IQSEC1: variants seen among roughly 807,000 people sequenced by gnomAD.
The protein encoded by IQSEC1 is IQ motif and SEC7 domain-containing protein 1.
IQSEC1 carries 31 observed loss-of-function variants against 91.0 expected under a neutral mutation model. The ratio of observed to expected loss-of-function variants is 0.34; its 90% confidence interval spans 0.26 to 0.46. The LOEUF is 0.46. Among genes scored for constraint, IQSEC1 ranks in the 20% least tolerant of loss-of-function variants. The pLI, the probability that IQSEC1 is intolerant of heterozygous loss-of-function variation, is 1.00. For missense variants in IQSEC1, 1,388 were observed against 1,575.6 expected (o/e 0.88, Z 2.02); for synonymous variants, 699 against 662.6 (o/e 1.05, Z -0.84).
intron 2 of IQSEC1, among the ~76,000 whole-genome samples, chr3:13,110,396 T>G (rs969512814): frequency 4.6e-5 from 7 of 152,004 alleles, no homozygotes; most frequent in Admixed American, 2.0e-4. Context: ...CGAGACCACC[T>G]TAGCCAACAT....
Position 12,967,319 on chromosome 3 carries a change from C to G in IQSEC1, c.24-25454G>C, listed in dbSNP as rs1700643390. 1 of 1,375,146 alleles carries G rather than the reference C, an allele frequency of 7.3e-7. No individual in the cohort carries two copies. Among genetic ancestry groups the G allele is most frequent in the Non-Finnish European group, 9.9e-7 (1 of 1,012,100 alleles). The allele number at this position is 1,375,146 out of a possible 1,614,324, so 85.2% of individuals were successfully genotyped here. On this transcript the variant is annotated intron_variant, in intron 1 of 13. Coordinates refer to ENST00000613206, the MANE Select transcript of IQSEC1 (RefSeq NM_001134382.3). The surrounding 1 kb of genome is among the most constrained non-coding windows in gnomAD (Gnocchi z 5.9). Reference sequence around the variant, plus strand: ...GTCACCCGCACTCCCGCACAGGCATCCCCACAGCCTGCGCCAGCCCACCGC... The same window carrying G: ...GTCACCCGCACTCCCGCACAGGCATGCCCACAGCCTGCGCCAGCCCACCGC...
At chr3:12,914,774 G>C (rs1221323433) in intron 8 of IQSEC1, among the ~76,000 whole-genome samples, 1 of 152,030 alleles carries the variant, frequency 6.6e-6, no homozygotes, top group Non-Finnish European at 1.5e-5. Flanking sequence ...CATGGGATGT[G>C]GGGGACAGAG....
upstream of IQSEC1, among the ~76,000 whole-genome samples, chr3:13,077,932 G>A (rs1705588824): frequency 6.6e-6 from 1 of 152,214 alleles, no homozygotes. Flanking sequence ...CTGGCTGATG[G>A]AGATCTGAAA....
intron 1 of IQSEC1, among the ~76,000 whole-genome samples, chr3:13,227,691 T>G (rs1350655355): frequency 6.6e-6 from 1 of 151,706 alleles, no homozygotes; most frequent in African/African-American, 2.4e-5. Flanking sequence ...CGGGGCCAGG[T>G]GGGGCGATAG....
chr3:12,999,354 A>C (rs1034075856), intron 1 of IQSEC1, among the ~76,000 whole-genome samples: 25 of 152,148 alleles, frequency 1.6e-4, no homozygotes, highest in African/African-American at 5.6e-4. Context: ...GCTGAGGGTA[A>C]ACTGCCTTGC....
chr3:13,122,973 C>T (rs567216642), intron 2 of IQSEC1, among the ~76,000 whole-genome samples: 1 of 152,244 alleles, frequency 6.6e-6, no homozygotes, highest in South Asian at 2.1e-4. Flanking sequence ...TCTTTCTGCG[C>T]CCTCCCTGCA....
At chr3:13,215,732 C>T (rs937181087) in intron 1 of IQSEC1, among the ~76,000 whole-genome samples, 3 of 152,176 alleles carry the variant, frequency 2.0e-5, no homozygotes, top group Admixed American at 6.5e-5. Context: ...GCAGAGAGGC[C>T]GGTATGATCA....
At chr3:13,171,436 A>G (rs1693609509) in intron 1 of IQSEC1, among the ~76,000 whole-genome samples, 1 of 152,180 alleles carries the variant, frequency 6.6e-6, no homozygotes, top group South Asian at 2.1e-4. Flanking sequence ...CTTTCTCTAA[A>G]GGATCCACCT....
rs115272019 is a variant in IQSEC1, at chr3:13,056,099, T to C, written c.23+16893A>G. On this transcript the variant is annotated intron_variant, in intron 1 of 13. Transcript: ENST00000613206. The stretch of plus-strand genomic sequence containing the variant: ...CCAACTTCTCCTGGGCTTGCCTGGG[T>C]GGGATCAAGGCCTCACCATGTGGCC... Among the ~76,000 whole-genome samples the C allele has an allele frequency of 2.1e-3, 327 of 152,228 alleles. 2 individuals carry two copies. Among genetic ancestry groups the C allele is most frequent in the African/African-American group, 7.4e-3 (308 of 41,538 alleles).
chr3:13,221,258 C>T (rs1044015683), intron 1 of IQSEC1, among the ~76,000 whole-genome samples: 3 of 152,206 alleles, frequency 2.0e-5, no homozygotes, highest in African/African-American at 7.2e-5. Context: ...AGGGTGGACA[C>T]AGGCTTCAGC....
chr3:13,159,721 T>A (rs1459062153), intron 2 of IQSEC1, among the ~76,000 whole-genome samples: 1 of 152,176 alleles, frequency 6.6e-6, no homozygotes, highest in Non-Finnish European at 1.5e-5. Context: ...CAGTGAGAAC[T>A]CATTGAATGG....
chr3:13,171,884 G>A (rs1157444527), intron 1 of IQSEC1, among the ~76,000 whole-genome samples: 1 of 152,138 alleles, frequency 6.6e-6, no homozygotes, highest in Non-Finnish European at 1.5e-5. Context: ...AGGGGCAAGC[G>A]TCCCGGGCCA....
chr3:12,984,815 ATTT>A (rs767194681), intron 1 of IQSEC1, among the ~76,000 whole-genome samples: 157 of 102,182 alleles, frequency 1.5e-3, no homozygotes, highest in African/African-American at 6.7e-3. Context: ...AAGCAATTAC[ATTT>A]TTTTTTTTTT....
intron 1 of IQSEC1, among the ~76,000 whole-genome samples, chr3:13,168,446 A>G (rs1693538589): frequency 6.6e-6 from 1 of 152,122 alleles, no homozygotes; most frequent in Admixed American, 6.5e-5. Context: ...CACGGATCAT[A>G]AGCACATCTC....
intron 1 of IQSEC1, among the ~76,000 whole-genome samples, chr3:13,003,600 A>C (rs1329762702): frequency 6.6e-6 from 1 of 152,260 alleles, no homozygotes; most frequent in South Asian, 2.1e-4. Flanking sequence ...TGTACACTTA[A>C]AATGAGTGAA....
At chr3:13,009,837 C>A (rs1702801658) in intron 1 of IQSEC1, among the ~76,000 whole-genome samples, 1 of 152,268 alleles carries the variant, frequency 6.6e-6, no homozygotes, top group East Asian at 1.9e-4. Context: ...AGTGTGGCGC[C>A]CGCCTCCTAC....
chr3:12,927,418 AC>A (rs201219735), intron 3 of IQSEC1, among the ~76,000 whole-genome samples: 1,567 of 135,884 alleles, frequency 0.012, 25 homozygotes, highest in African/African-American at 0.044. Flanking sequence ...CTCTAACTCC[AC>A]CCAGGCTGTC....
At chr3:13,051,590 G>A (rs1304645152) in intron 1 of IQSEC1, among the ~76,000 whole-genome samples, 1 of 152,148 alleles carries the variant, frequency 6.6e-6, no homozygotes, top group Non-Finnish European at 1.5e-5. Flanking sequence ...GCACTTTTCT[G>A]TACATATATA....
chr3:13,105,413 A>G (rs1399751725), intron 2 of IQSEC1, among the ~76,000 whole-genome samples: 1 of 152,160 alleles, frequency 6.6e-6, no homozygotes, highest in Non-Finnish European at 1.5e-5. Context: ...GATGCCGCTC[A>G]GGGACAGCCA....
Sources: allele counts gnomAD v4.1 joint callset (sites outside exome capture counted in the v4.1 genomes callset), GRCh38; gene constraint gnomAD v4.1.1; non-coding constraint Gnocchi (gnomAD v3.1); transcripts MANE v1.5; gene names NCBI Gene and HGNC (gene_info 2026-07-23, HGNC 2026-07-21).